The following WDR47 variants were observed in gnomAD, a reference collection of about 807,000 sequenced individuals.
WDR47 encodes WD repeat domain 47.
A neutral mutation model predicts 97.2 loss-of-function variants in WDR47; 32 were observed. The observed-to-expected ratio is 0.33, with a 90% CI of 0.25 to 0.44. WDR47 has a LOEUF of 0.44. Among genes scored for constraint, WDR47 ranks in the 20% least tolerant of loss-of-function variants. WDR47 has a pLI of 1.00. For missense variants in WDR47, 782 were observed against 1,102.3 expected (o/e 0.71, Z 4.11); for synonymous variants, 375 against 373.5 (o/e 1.00, Z -0.05).
intron 9 of WDR47, among the ~76,000 whole-genome samples, chr1:108,989,566 G>T (rs1659155103): frequency 6.6e-6 from 1 of 152,172 alleles, no homozygotes; most frequent in Admixed American, 6.5e-5. Flanking sequence ...ATAATAGCAT[G>T]GGGTAGATAA....
intron 13 of WDR47, among the ~76,000 whole-genome samples, chr1:108,980,167 G>A (rs1658234504): frequency 6.6e-6 from 1 of 152,050 alleles, no homozygotes; most frequent in Admixed American, 6.6e-5. Flanking sequence ...CTGATTCCTG[G>A]TGGGTGCCAA....
At position 108,971,349 on chromosome 1, in the gene WDR47, G is replaced by GTTCTTCA. The variant is rs1420404857; in HGVS notation, c.*74_*80dup. On this transcript the variant is annotated 3_prime_UTR_variant, in exon 15 of 15. Coordinates refer to ENST00000369962, the MANE Select transcript of WDR47 (RefSeq NM_001142551.2). ...GCTAAACCACTTTCCTGGACACTAT[G>GTTCTTCA]TTCTTCAGATTTGTAATTTTCACAA... 1 of 1,575,546 alleles carries GTTCTTCA rather than the reference G, an allele frequency of 6.3e-7. No homozygotes were observed. The highest frequency in any genetic ancestry group is 1.3e-5 in the African/African-American group (1 of 74,184).
intron 13 of WDR47, among the ~76,000 whole-genome samples, chr1:108,976,430 T>G (rs1657900630): frequency 6.6e-6 from 1 of 151,224 alleles, no homozygotes; most frequent in Non-Finnish European, 1.5e-5. Context: ...AGAAATACAG[T>G]TTAGTTTTAC....
chr1:109,006,738 T>C (rs1206296757), intron 5 of WDR47, among the ~76,000 whole-genome samples: 1 of 152,176 alleles, frequency 6.6e-6, no homozygotes, highest in African/African-American at 2.4e-5. Flanking sequence ...CCAATTCCAG[T>C]GCCAGTCCAT....
At chr1:109,002,760 G>T (rs1660311953) in intron 6 of WDR47, among the ~76,000 whole-genome samples, 1 of 152,110 alleles carries the variant, frequency 6.6e-6, no homozygotes, top group South Asian at 2.1e-4. Context: ...CATACTGAGG[G>T]ACTGCATTAA....
At position 109,011,370 on chromosome 1, in the gene WDR47, G is replaced by T; in HGVS notation, c.676C>A (p.Leu226Ile). ...TGEEITESEV[L>I]LGIDLLCGNG... ...CCACATAAGAGGTCGATGCCAAGAA[G>T]CACTTCGCTTTCTGTAATTTCTTCT... The change falls in exon 5 of 15, where the codon CTT becomes ATT. Residue 226 changes from leucine to isoleucine, a missense_variant. By Grantham distance (5) the Leu-to-Ile change is conservative. This residue lies in a region of WDR47 where 428 missense variants were observed against 584.3 expected (regional missense o/e 0.73). Transcript: ENST00000369962. 6.2e-7 allele frequency: 1 copy of T among 1,614,216 alleles called. No individual in the cohort carries two copies. Among genetic ancestry groups the T allele is most frequent in the South Asian group, 1.1e-5 (1 of 91,086 alleles).
intron 1 of WDR47, among the ~76,000 whole-genome samples, chr1:109,033,914 G>T (rs1662768014): frequency 6.6e-6 from 1 of 152,134 alleles, no homozygotes; most frequent in Non-Finnish European, 1.5e-5. Flanking sequence ...GTGAGACTCT[G>T]TGTCAAAAAA....
intron 6 of WDR47, among the ~76,000 whole-genome samples, chr1:109,003,506 CTGTT>C (rs1233951608): frequency 5.9e-5 from 9 of 151,728 alleles, no homozygotes; most frequent in East Asian, 3.9e-4. Context: ...CTGTATAAAC[CTGTT>C]TGTTTGTTTG....
At chr1:109,026,904 T>A (rs1201483932) in intron 1 of WDR47, among the ~76,000 whole-genome samples, 2 of 152,142 alleles carry the variant, frequency 1.3e-5, no homozygotes, top group African/African-American at 2.4e-5. Flanking sequence ...AATACATATT[T>A]TATACTGACA....
intron 8 of WDR47, among the ~76,000 whole-genome samples, chr1:108,993,892 CAA>C (rs1274359089): frequency 6.6e-6 from 1 of 152,066 alleles, no homozygotes; most frequent in African/African-American, 2.4e-5. Flanking sequence ...CCAGGAAAAA[CAA>C]GAAGCTATAT....
intron 2 of WDR47, among the ~76,000 whole-genome samples, chr1:109,022,106 G>A (rs1036209071): frequency 1.3e-5 from 2 of 152,040 alleles, no homozygotes; most frequent in Admixed American, 6.6e-5. Context: ...CCTTGGACTC[G>A]CAAATGGCTA....
Position 108,996,681 on chromosome 1 carries a change from TAGGGAGATAAAAC to T in WDR47, c.1434-857_1434-845del, listed in dbSNP as rs1256717208. ...ATTGGCCAGTCTCTGATCTAGACAA[TAGGGAGATAAAAC>T]AGGGAGCAAAACAAGTTAGCCTCAG... On this transcript the variant is annotated intron_variant, in intron 7 of 14. Coordinates refer to ENST00000369962, the MANE Select transcript of WDR47 (RefSeq NM_001142551.2). Among the ~76,000 whole-genome samples, 7 of 152,284 alleles carry T rather than the reference TAGGGAGATAAAAC, an allele frequency of 4.6e-5. No individual in the cohort carries two copies. The East Asian group carries it at 9.6e-4, about 21-fold the overall frequency.
chr1:109,003,929 C>T (rs1051280214), intron 6 of WDR47, among the ~76,000 whole-genome samples: 4 of 152,066 alleles, frequency 2.6e-5, no homozygotes, highest in African/African-American at 9.7e-5. Flanking sequence ...ATTTCTTATT[C>T]TTAAATCTAA....
chr1:109,016,983 A>C (rs1298681833), intron 3 of WDR47, among the ~76,000 whole-genome samples: 1 of 152,188 alleles, frequency 6.6e-6, no homozygotes, highest in East Asian at 1.9e-4. Context: ...AATCTTACAA[A>C]AAAATTATAC....
chr1:109,040,930 A>G (rs13303191), intron 1 of WDR47, among the ~76,000 whole-genome samples: 1 of 151,812 alleles, frequency 6.6e-6, no homozygotes, highest in African/African-American at 2.4e-5. Flanking sequence ...AAAGAGAGAA[A>G]TAAGTATTAG....
At chr1:108,974,078 T>C (rs1444999530) in intron 14 of WDR47, among the ~76,000 whole-genome samples, 1 of 151,902 alleles carries the variant, frequency 6.6e-6, no homozygotes, top group Non-Finnish European at 1.5e-5. Context: ...CCTGTAGTCC[T>C]AGCTACTTGC....
chr1:109,032,439 T>C (rs1445275848), intron 1 of WDR47, among the ~76,000 whole-genome samples: 1 of 116,572 alleles, frequency 8.6e-6, no homozygotes, highest in African/African-American at 3.2e-5. Flanking sequence ...ACCCGGGAGG[T>C]GGAGCTTGCA....
Position 108,990,631 on chromosome 1 carries a change from T to C in WDR47, c.1767+623A>G, listed in dbSNP as rs577858485. Among the ~76,000 whole-genome samples, 9 of 152,284 alleles carry C rather than the reference T, an allele frequency of 5.9e-5. No individual in the cohort carries two copies. In the East Asian group the frequency reaches 1.5e-3, roughly 26 times the overall value. On this transcript the variant is annotated intron_variant, in intron 9 of 14. Coordinates refer to ENST00000369962, the MANE Select transcript of WDR47 (RefSeq NM_001142551.2). ...CAATTTTATTAATTTATGTTATCTA[T>C]TTCATCCCTAAAAGCATCTCAAATT...
chr1:109,012,572 C>CAAAAAAAAAAAAAAAAAAAAAAAAAAA (rs57237933), intron 4 of WDR47, among the ~76,000 whole-genome samples: 4 of 73,846 alleles, frequency 5.4e-5, no homozygotes, highest in Non-Finnish European at 7.2e-5. Flanking sequence ...GACTCCATCT[C>CAAAAAAAAAAAAAAAAAAAAAAAAAAA]AAAAAAAAAA....
Sources: allele counts gnomAD v4.1 joint callset (sites outside exome capture counted in the v4.1 genomes callset), GRCh38; gene constraint gnomAD v4.1.1; regional missense constraint gnomAD v4.1.1; transcripts MANE v1.5; gene names NCBI Gene and HGNC (gene_info 2026-07-23, HGNC 2026-07-21).